The following BIRC6 variants were observed in gnomAD, a reference collection of about 807,000 sequenced individuals.
BIRC6 encodes dual E2 ubiquitin-conjugating enzyme/E3 ubiquitin-protein ligase BIRC6.
BIRC6 carries 98 observed loss-of-function variants against 503.3 expected under a neutral mutation model. The observed-to-expected ratio is 0.19, with a 90% CI of 0.17 to 0.23. The LOEUF (loss-of-function observed/expected upper bound fraction) is 0.23. Among genes scored for constraint, BIRC6 ranks in the 10% least tolerant of loss-of-function variants. BIRC6 has a pLI of 1.00. For missense variants in BIRC6, 5,360 were observed against 5,806.0 expected, an observed-to-expected ratio of 0.92 and a Z score of 2.50; for synonymous variants, 2,240 against 2,078.7, an observed-to-expected ratio of 1.08 and a Z score of -2.11.
chr2:32,601,442 G>A (rs903249616), intron 70 of BIRC6, among the ~76,000 whole-genome samples: 4 of 152,188 alleles, frequency 2.6e-5, no homozygotes, highest in African/African-American at 7.2e-5. Context: ...TTAGCTGGGC[G>A]TGGTGGCACA....
intron 62 of BIRC6, among the ~76,000 whole-genome samples, chr2:32,544,847 C>G (rs565614884): frequency 1.3e-5 from 2 of 151,732 alleles, no homozygotes; most frequent in East Asian, 3.9e-4. Context: ...TTTAGTAGGT[C>G]AGGAATTTCT....
intron 20 of BIRC6, 127 bp from the exon 21 acceptor site, chr2:32,445,394 G>A (rs1218684341): frequency 2.1e-6 from 2 of 957,346 alleles, no homozygotes; most frequent in African/African-American, 3.4e-5. Flanking sequence ...CTATAAGATT[G>A]TCTTTCCAGA....
In BIRC6 at chr2:32,357,175, G is replaced by A; in HGVS notation, c.14G>A (p.Gly5Asp). ...CCCTGGCCCCGGATGGTGACTGGTGGTGGTGCTGCACCTCCCGGGACTGTC... is the reference window on the plus strand; with the variant it reads ...CCCTGGCCCCGGATGGTGACTGGTGATGGTGCTGCACCTCCCGGGACTGTC... MVTG[G>D]GAAPPGTVTE... Residue 5 changes from glycine to aspartate, a missense_variant, in exon 1 of 74, where the codon GGT becomes GAT. By Grantham distance (94) the Gly-to-Asp change is moderately conservative. Transcript: ENST00000421745. This position sits in a 1 kb window ranked among gnomAD's most constrained non-coding sequence, Gnocchi z 4.9. The A allele has an allele frequency of 6.5e-7, 1 of 1,527,552 alleles. No individual in the cohort carries two copies. The highest frequency in any genetic ancestry group is 1.2e-5 in the South Asian group (1 of 81,684). 94.6% of individuals were successfully genotyped at this position (1,527,552 alleles called of 1,614,324 possible). A position where few individuals can be genotyped will look rare whatever the true frequency, so the allele number is the denominator to read the frequency against.
At chr2:32,602,554 A>G (rs371568571) in intron 70 of BIRC6, 4 of 153,240 alleles carry the variant, frequency 2.6e-5, no homozygotes, top group African/African-American at 9.6e-5. Flanking sequence ...TAAAAATTGT[A>G]TTTTGTCAAA....
At chr2:32,483,118 T>C (rs2050599201) in intron 39 of BIRC6, among the ~76,000 whole-genome samples, 1 of 151,890 alleles carries the variant, frequency 6.6e-6, no homozygotes, top group South Asian at 2.1e-4. Flanking sequence ...GGTTTCACCA[T>C]GTTGGCCAGG....
chr2:32,444,321 T>A (rs769198933), intron 20 of BIRC6, among the ~76,000 whole-genome samples: 72 of 152,276 alleles, frequency 4.7e-4, no homozygotes, highest in Middle Eastern at 6.8e-3. Flanking sequence ...CCTGGTTTGA[T>A]CATTGTGCAT....
At chr2:32,544,594 C>T (rs1410782965) in intron 62 of BIRC6, among the ~76,000 whole-genome samples, 2 of 149,954 alleles carry the variant, frequency 1.3e-5, no homozygotes, top group South Asian at 2.1e-4. Context: ...TGATTAGGGT[C>T]GATTTCTTTC....
chr2:32,603,881 A>G (rs1278232586), intron 71 of BIRC6, among the ~76,000 whole-genome samples: 9 of 148,910 alleles, frequency 6.0e-5, no homozygotes, highest in Non-Finnish European at 1.1e-4. Flanking sequence ...AAATATATGT[A>G]TATATATATC....
At chr2:32,542,392 T>G (rs188253546) in intron 61 of BIRC6, among the ~76,000 whole-genome samples, 1 of 152,192 alleles carries the variant, frequency 6.6e-6, no homozygotes, top group Non-Finnish European at 1.5e-5. Context: ...GGAAGTAGGA[T>G]CCTGCTTTAA....
rs767210958 is a variant in BIRC6 at position 32,513,116 on chromosome 2, A to G, written c.10530A>G (p.Glu3510=). 1.9e-6 allele frequency: 3 copies of G among 1,613,872 alleles called. No homozygotes were observed. The highest frequency in any genetic ancestry group is 1.7e-6 in the Non-Finnish European group (2 of 1,179,830). The stretch of plus-strand genomic sequence containing the variant: ...GGCATAGTTATGAGCTGCTTGTAGA[A>G]TATGACTTACCAGCACTCCTGGACC... ...ILWHSYELLV[E]YDLPALLDQE... Residue 3510 remains glutamate, a synonymous_variant, in exon 54 of 74, where the codon GAA becomes GAG. Coordinates refer to ENST00000421745, the MANE Select transcript of BIRC6 (RefSeq NM_016252.4).
chr2:32,459,944 GTAGTT>G (rs964430584), intron 23 of BIRC6, among the ~76,000 whole-genome samples: 3 of 151,110 alleles, frequency 2.0e-5, no homozygotes, highest in East Asian at 1.9e-4. Flanking sequence ...AATTTTAAAA[GTAGTT>G]TATAGTTTGC....
intron 1 of BIRC6, among the ~76,000 whole-genome samples, chr2:32,370,837 A>G (rs1229347885): frequency 6.6e-6 from 1 of 152,174 alleles, no homozygotes; most frequent in Admixed American, 6.6e-5. Flanking sequence ...ATTTTAAAAT[A>G]GCGTTGAAGT....
chr2:32,555,696 TGTG>T (rs2058723827), intron 65 of BIRC6, among the ~76,000 whole-genome samples: 1 of 151,664 alleles, frequency 6.6e-6, no homozygotes, highest in Non-Finnish European at 1.5e-5. Flanking sequence ...GCAGGCCAGG[TGTG>T]GTGGCTCACA....
chr2:32,570,189 G>A (rs2059823080), intron 65 of BIRC6, among the ~76,000 whole-genome samples: 2 of 152,030 alleles, frequency 1.3e-5, no homozygotes, highest in Admixed American at 1.3e-4. Context: ...CCTTTATTAT[G>A]TTGTTATGAT....
chr2:32,513,228 A>G, intron 54 of BIRC6, 74 bp downstream of exon 54: 5 of 1,061,894 alleles, frequency 4.7e-6, no homozygotes, highest in Non-Finnish European at 7.0e-6. Flanking sequence ...AAAACAAAAT[A>G]TTTTACATGT....
Position 32,524,962 on chromosome 2 carries a change from GA to G in BIRC6, c.11703del (p.Val3902LeufsTer19). On this transcript the variant is annotated frameshift_variant, in exon 58 of 74. Coordinates refer to ENST00000421745, the MANE Select transcript of BIRC6 (RefSeq NM_016252.4). LOFTEE classifies it high-confidence loss of function. Reference sequence around the variant, plus strand: ...AGAAAAGAAAAACCATGAAGAGAAAGAAAAAGTTAAAGCGGAAAATGGATTT... The same window carrying G: ...AGAAAAGAAAAACCATGAAGAGAAAGAAAAGTTAAAGCGGAAAATGGATTT... ...DKEKKNHEEK[E>X]KVKAENGFQD... The G allele has an allele frequency of 6.4e-7, 1 of 1,556,728 alleles. No homozygotes were observed. Among genetic ancestry groups the G allele is most frequent in the Admixed American group, 1.9e-5 (1 of 51,584 alleles).
At chr2:32,377,406 C>G (rs937504410) in intron 1 of BIRC6, among the ~76,000 whole-genome samples, 182 bp from the exon 2 acceptor site, 1 of 152,060 alleles carries the variant, frequency 6.6e-6, no homozygotes, top group South Asian at 2.1e-4. Flanking sequence ...ATACTTTTAT[C>G]TAATTTATGG....
chr2:32,539,857 G>T (rs528953522), intron 61 of BIRC6, among the ~76,000 whole-genome samples: 2 of 151,858 alleles, frequency 1.3e-5, no homozygotes, highest in African/African-American at 2.4e-5. Flanking sequence ...CAAGAAAGTC[G>T]TACATTTTGT....
chr2:32,617,689 T>C, intron 73 of BIRC6, 36 bp from the exon 74 acceptor site: 1 of 1,594,654 alleles, frequency 6.3e-7, no homozygotes, highest in South Asian at 1.1e-5. Flanking sequence ...GCTAGAGGGT[T>C]TGCAGTTCTA....
Sources: allele counts gnomAD v4.1 joint callset (sites outside exome capture counted in the v4.1 genomes callset), GRCh38; gene constraint gnomAD v4.1.1; non-coding constraint Gnocchi (gnomAD v3.1); transcripts MANE v1.5; gene names NCBI Gene and HGNC (gene_info 2026-07-23, HGNC 2026-07-21).